The following TET1 variants were observed in gnomAD, a reference collection of about 807,000 sequenced individuals.
TET1 encodes methylcytosine dioxygenase TET1.
In TET1, 13 loss-of-function variants were observed where a neutral mutation model predicts 148.7. The ratio of observed to expected loss-of-function variants is 0.09; its 90% CI spans 0.06 to 0.14. The LOEUF is 0.14. Ranked by LOEUF, TET1 falls within the 10% of genes least tolerant of loss-of-function variation. TET1 has a pLI of 1.00. For missense variants in TET1, 2,182 were observed against 2,553.8 expected (o/e 0.85, Z 3.14); for synonymous variants, 907 against 937.2 (o/e 0.97, Z 0.59).
intron 2 of TET1, among the ~76,000 whole-genome samples, chr10:68,596,873 T>C (rs1006595989): frequency 6.6e-6 from 1 of 152,084 alleles, no homozygotes; most frequent in Non-Finnish European, 1.5e-5. Flanking sequence ...TCAAGTGCAA[T>C]GTTGTATGGC....
intron 3 of TET1, among the ~76,000 whole-genome samples, chr10:68,606,903 A>G (rs1035673601): frequency 6.6e-6 from 1 of 152,218 alleles, no homozygotes; most frequent in Non-Finnish European, 1.5e-5. Flanking sequence ...GTTTATTCAC[A>G]CAATCAAAGA....
At chr10:68,587,535 A>AAAAG (rs112454648) in intron 2 of TET1, among the ~76,000 whole-genome samples, 1 of 151,450 alleles carries the variant, frequency 6.6e-6, no homozygotes, top group Non-Finnish European at 1.5e-5. Flanking sequence ...ATGAGTTGGT[A>AAAAG]AAACAGACTA....
At chr10:68,671,336 A>G (rs1176016347) in intron 7 of TET1, among the ~76,000 whole-genome samples, 1 of 152,240 alleles carries the variant, frequency 6.6e-6, no homozygotes, top group African/African-American at 2.4e-5. Flanking sequence ...TGCTAAGGAT[A>G]GTGGCCTTTA....
intron 2 of TET1, among the ~76,000 whole-genome samples, chr10:68,599,283 G>A (rs2054024402): frequency 6.6e-6 from 1 of 152,234 alleles, no homozygotes; most frequent in African/African-American, 2.4e-5. Flanking sequence ...GAAATGTGCT[G>A]CTGAAACTTT....
At chr10:68,632,054 G>A (rs1433622126) in intron 3 of TET1, among the ~76,000 whole-genome samples, 1 of 152,046 alleles carries the variant, frequency 6.6e-6, no homozygotes, top group Non-Finnish European at 1.5e-5. Flanking sequence ...GCCGGGCGTG[G>A]TGGCTCATGC....
At position 68,691,969 on chromosome 10, in the gene TET1, C is replaced by T; in HGVS notation, c.*155C>T. 1.9e-5 allele frequency: 16 copies of T among 859,702 alleles called. No individual in the cohort carries two copies. The highest frequency in any genetic ancestry group is 2.4e-5 in the Non-Finnish European group (14 of 578,556). 53.3% of individuals were successfully genotyped at this position (859,702 alleles called of 1,614,324 possible). A position where few individuals can be genotyped will look rare whatever the true frequency, so the allele number is the denominator to read the frequency against. On this transcript the variant is annotated 3_prime_UTR_variant, in exon 12 of 12. Coordinates refer to ENST00000373644, the MANE Select transcript of TET1 (RefSeq NM_030625.3). This position sits in a 1 kb window ranked among gnomAD's most constrained non-coding sequence, Gnocchi z 4.4. ...ATGATAACAAAACGGGGTGGGTATT[C>T]TTAACTGTGACTATATTTTGACAAT...
At position 68,646,163 on chromosome 10, in the gene TET1, C is replaced by G; in HGVS notation, c.3434C>G (p.Pro1145Arg). The change falls in exon 4 of 12, where the codon CCA (proline) becomes CGA (arginine). Residue 1145 changes from proline (P) to arginine (R), a missense_variant. Physicochemically the swap from Pro to Arg is moderately radical, Grantham distance 103. Around this residue, in one of 11 missense-constraint regions of TET1, gnomAD observed 582 missense variants for 599.5 expected, o/e 0.97. Transcript: ENST00000373644. ...HGSSLTKQKN[P>R]TQKKTKSTPS... ...TCATCATTAACAAAACAAAAGAACC[C>G]AACCCAGAAAAAGACAAAATCCACC... 1 of 1,613,152 alleles carries G rather than the reference C, an allele frequency of 6.2e-7. No homozygotes were observed.
rs146851677 is a variant in TET1 at position 68,673,495 on chromosome 10, A to T, written c.4824+450A>T. 8.6e-6 allele frequency: 3 copies of T among 349,316 alleles called. No homozygotes were observed. In the East Asian group the frequency reaches 2.6e-4, roughly 30 times the overall value. 21.6% of individuals were successfully genotyped at this position (349,316 alleles called of 1,614,324 possible). On this transcript the variant is annotated intron_variant, in intron 8 of 11. Coordinates refer to ENST00000373644, the MANE Select transcript of TET1 (RefSeq NM_030625.3). ...CCGGGACACGAGGCCATGGTGAGCAAAGAAATTAGTCGAACTTGGTGTTAA... is the reference window on the plus strand; with the variant it reads ...CCGGGACACGAGGCCATGGTGAGCATAGAAATTAGTCGAACTTGGTGTTAA...
At chr10:68,593,852 G>C (rs576812075) in intron 2 of TET1, among the ~76,000 whole-genome samples, 2 of 149,310 alleles carry the variant, frequency 1.3e-5, no homozygotes, top group Non-Finnish European at 3.0e-5. Flanking sequence ...GACCTCAGGC[G>C]ATCCACCTGC....
chr10:68,655,275 T>A (rs7096914), intron 6 of TET1, among the ~76,000 whole-genome samples: 14,770 of 152,298 alleles, frequency 0.097, 1,003 homozygotes, highest in South Asian at 0.18. Flanking sequence ...GCTTTCCACC[T>A]TTCCCTGCTA....
At chr10:68,609,421 A>G (rs2054175279) in intron 3 of TET1, among the ~76,000 whole-genome samples, 4 of 151,998 alleles carry the variant, frequency 2.6e-5, no homozygotes, top group Admixed American at 2.6e-4. Context: ...TCGGCCTCCC[A>G]AAGTGCTGGG....
At chr10:68,615,721 C>T (rs10998329) in intron 3 of TET1, among the ~76,000 whole-genome samples, 46,693 of 151,780 alleles carry the variant, frequency 0.31, 7,928 homozygotes, top group Middle Eastern at 0.4. Flanking sequence ...TGCAATGGCG[C>T]GATCTCAGCT....
At chr10:68,655,027 G>A (rs1300557858) in intron 6 of TET1, among the ~76,000 whole-genome samples, 1 of 152,156 alleles carries the variant, frequency 6.6e-6, no homozygotes, top group Non-Finnish European at 1.5e-5. Flanking sequence ...GAGCAAGAAG[G>A]AAACTACAGT....
intron 3 of TET1, among the ~76,000 whole-genome samples, chr10:68,604,607 G>C (rs939538457): frequency 2.0e-5 from 3 of 152,156 alleles, no homozygotes; most frequent in African/African-American, 7.2e-5. Flanking sequence ...TGCTTTGATT[G>C]GTTGATCCCA....
intron 3 of TET1, among the ~76,000 whole-genome samples, chr10:68,640,544 C>CTTTTTTTTTTTTTTTTTTT (rs60460824): frequency 1.2e-4 from 5 of 42,884 alleles, no homozygotes; most frequent in African/African-American, 2.0e-4. Flanking sequence ...TTCTTTCTTT[C>CTTTTTTTTTTTTTTTTTTT]TTTTTTTTTT....
intron 2 of TET1, among the ~76,000 whole-genome samples, chr10:68,592,655 C>T (rs1057144526): frequency 6.6e-6 from 1 of 152,114 alleles, no homozygotes; most frequent in African/African-American, 2.4e-5. Flanking sequence ...ACTTAGTGCT[C>T]CAGTGTCTTT....
Position 68,681,453 on chromosome 10 carries a change from T to C in TET1, c.4879T>C (p.Tyr1627His), listed in dbSNP as rs772244352. Residue 1627 changes from tyrosine (Y) to histidine (H), a missense_variant, in exon 9 of 12, where the codon TAT (tyrosine) becomes CAT (histidine). Tyr to His is a moderately conservative substitution (Grantham distance 83). Around this residue, in one of 11 missense-constraint regions of TET1, gnomAD observed 55 missense variants for 149.8 expected, o/e 0.37. Coordinates refer to ENST00000373644, the MANE Select transcript of TET1 (RefSeq NM_030625.3). ...TTTGGCTACACGATTAGCTCCAATT[T>C]ATAAGCAGTATGCTCCAGTAGCTTA... ...QSLATRLAPI[Y>H]KQYAPVAYQN... is the part of the protein sequence containing the mutation. The C allele has an allele frequency of 1.2e-6, 2 of 1,613,924 alleles. No individual in the cohort carries two copies. Among genetic ancestry groups the C allele is most frequent in the Non-Finnish European group, 1.7e-6 (2 of 1,179,868 alleles).
intron 2 of TET1, among the ~76,000 whole-genome samples, chr10:68,579,502 G>A (rs1277759308): frequency 6.6e-6 from 1 of 152,194 alleles, no homozygotes; most frequent in Non-Finnish European, 1.5e-5. Context: ...CCTAGGCTAT[G>A]CACTGGAAAT....
chr10:68,602,740 C>T (rs1257048514), intron 3 of TET1, among the ~76,000 whole-genome samples: 1 of 152,164 alleles, frequency 6.6e-6, no homozygotes, highest in East Asian at 1.9e-4. Flanking sequence ...CAACAGCAAG[C>T]AGAACCAAAT....
Sources: gnomAD v4.1 joint callset for allele counts (sites outside exome capture counted in the v4.1 genomes callset) on GRCh38, gnomAD v4.1.1 for gene constraint, gnomAD v4.1.1 regional missense constraint, Gnocchi (gnomAD v3.1) non-coding constraint, MANE v1.5 for transcripts, NCBI Gene and HGNC (gene_info 2026-07-23, HGNC 2026-07-21) for gene names.